Variants in PTPRD observed in about 807,000 individuals in gnomAD.
PTPRD encodes the protein receptor-type tyrosine-protein phosphatase delta.
In PTPRD, 34 loss-of-function variants were observed where a neutral mutation model predicts 214.5. The ratio of observed to expected loss-of-function variants is 0.16; its 90% CI spans 0.12 to 0.21. The LOEUF is 0.21. PTPRD is among the 10% of genes least tolerant of loss of function. The pLI is 1.00. For missense variants in PTPRD, 2,545 were observed against 2,398.7 expected (o/e 1.06, Z -1.27); for synonymous variants, 1,128 against 845.7 (o/e 1.33, Z -5.79).
chr9:9,380,674 T>C (rs1049768444), intron 9 of PTPRD, among the ~76,000 whole-genome samples: 1 of 152,142 alleles, frequency 6.6e-6, no homozygotes, highest in Non-Finnish European at 1.5e-5. Context: ...GGATGAAGTG[T>C]CTATAGATGC....
intron 5 of PTPRD, among the ~76,000 whole-genome samples, chr9:9,790,893 C>A (rs767017793): frequency 9.2e-5 from 14 of 152,010 alleles, no homozygotes; most frequent in Admixed American, 3.9e-4. Flanking sequence ...ATGTAAAAAC[C>A]CAAACTAGCC....
chr9:8,771,687 T>C (rs116975101), intron 11 of PTPRD, among the ~76,000 whole-genome samples: 4,707 of 152,240 alleles, frequency 0.031, 145 homozygotes, highest in African/African-American at 0.08. Context: ...AAAAGTCGAA[T>C]ACTTAAAGGA....
intron 7 of PTPRD, among the ~76,000 whole-genome samples, chr9:9,717,796 C>T (rs773059532): frequency 2.8e-4 from 42 of 151,928 alleles, no homozygotes; most frequent in South Asian, 2.1e-4. Flanking sequence ...TTTCTCAGAC[C>T]CTCCATTTAT....
At chr9:8,979,496 G>C (rs1167428151) in intron 11 of PTPRD, among the ~76,000 whole-genome samples, 3 of 151,768 alleles carry the variant, frequency 2.0e-5, no homozygotes, top group Non-Finnish European at 2.9e-5. Flanking sequence ...ATCTGATAAG[G>C]GACTACTATC....
intron 9 of PTPRD, among the ~76,000 whole-genome samples, chr9:9,193,262 C>A (rs946634012): frequency 1.1e-4 from 17 of 152,208 alleles, no homozygotes; most frequent in African/African-American, 3.6e-4. Context: ...TATTGCTTTA[C>A]TCAAGGTCAG....
intron 2 of PTPRD, among the ~76,000 whole-genome samples, chr9:10,555,339 G>A (rs1170388908): frequency 2.0e-5 from 3 of 152,090 alleles, no homozygotes; most frequent in Admixed American, 2.0e-4. Flanking sequence ...TTCGCAAAAC[G>A]TTTTATCATA....
At chr9:10,260,702 G>C (rs2093634479) in intron 3 of PTPRD, among the ~76,000 whole-genome samples, 1 of 151,930 alleles carries the variant, frequency 6.6e-6, no homozygotes, top group African/African-American at 2.4e-5. Flanking sequence ...CATTCCTCAA[G>C]TTTTTTTGAC....
intron 9 of PTPRD, among the ~76,000 whole-genome samples, chr9:9,325,022 G>C (rs1969143991): frequency 6.6e-6 from 1 of 152,110 alleles, no homozygotes; most frequent in Non-Finnish European, 1.5e-5. Context: ...TATTACTTCT[G>C]AGCCCTCTGT....
At chr9:9,743,880 G>C in intron 6 of PTPRD, among the ~76,000 whole-genome samples, 2 of 152,016 alleles carry the variant, frequency 1.3e-5, no homozygotes, top group South Asian at 4.2e-4. Context: ...AAAATATGCA[G>C]GCTAATTGAT....
At chr9:8,531,326 TA>T (rs1336169460) in intron 14 of PTPRD, among the ~76,000 whole-genome samples, 1 of 152,098 alleles carries the variant, frequency 6.6e-6, no homozygotes, top group Non-Finnish European at 1.5e-5. Flanking sequence ...TTTATGGCTT[TA>T]AAGGTTTTGC....
chr9:10,540,615 A>G (rs1052101871), intron 2 of PTPRD, among the ~76,000 whole-genome samples: 20 of 152,160 alleles, frequency 1.3e-4, no homozygotes, highest in Non-Finnish European at 2.4e-4. Flanking sequence ...TTTGTAACTT[A>G]TATTAATGTT....
At chr9:10,424,313 T>C (rs1203034490) in intron 2 of PTPRD, among the ~76,000 whole-genome samples, 8 of 145,484 alleles carry the variant, frequency 5.5e-5, no homozygotes, top group East Asian at 4.1e-4. Flanking sequence ...TGGTTTCCTT[T>C]TCTCTCTCTC....
intron 39 of PTPRD, among the ~76,000 whole-genome samples, chr9:8,346,891 T>G (rs574208472): frequency 1.6e-4 from 24 of 152,262 alleles, no homozygotes; most frequent in African/African-American, 5.5e-4. Context: ...AAGAAATTCA[T>G]GATTGTTCTG....
intron 9 of PTPRD, among the ~76,000 whole-genome samples, chr9:9,322,811 A>C (rs1032847685): frequency 1.4e-4 from 22 of 152,288 alleles, no homozygotes; most frequent in African/African-American, 4.8e-4. Flanking sequence ...AGGTACTACT[A>C]TACTGGCATG....
intron 3 of PTPRD, among the ~76,000 whole-genome samples, chr9:10,266,664 A>G (rs1167777356): frequency 6.6e-6 from 1 of 152,188 alleles, no homozygotes. Context: ...CTTAGCAAGG[A>G]CTACAATTTG....
chr9:9,281,927 T>G (rs1030978738), intron 9 of PTPRD, among the ~76,000 whole-genome samples: 4 of 151,202 alleles, frequency 2.6e-5, no homozygotes, highest in Non-Finnish European at 5.9e-5. Flanking sequence ...ACTAAAATAT[T>G]ATTCAACATG....
intron 5 of PTPRD, among the ~76,000 whole-genome samples, chr9:9,808,010 C>G (rs1369830871): frequency 6.6e-6 from 1 of 152,008 alleles, no homozygotes; most frequent in Non-Finnish European, 1.5e-5. Context: ...GTGAGCTGTC[C>G]CCTTTTGTTT....
At chr9:9,760,549 T>C (rs2098643378) in intron 6 of PTPRD, among the ~76,000 whole-genome samples, 2 of 151,590 alleles carry the variant, frequency 1.3e-5, no homozygotes, top group South Asian at 4.2e-4. Context: ...TGATTGTCTG[T>C]CTGGACTTTG....
chr9:9,317,077 TG>T (rs1352312457), intron 9 of PTPRD, among the ~76,000 whole-genome samples: 1 of 152,194 alleles, frequency 6.6e-6, no homozygotes, highest in Admixed American at 6.5e-5. Flanking sequence ...CTTGTTTCAA[TG>T]TTTATTTTCT....
Sources: gnomAD v4.1 joint callset for allele counts (sites outside exome capture counted in the v4.1 genomes callset) on GRCh38, gnomAD v4.1.1 for gene constraint, MANE v1.5 for transcripts, NCBI Gene and HGNC (gene_info 2026-07-23, HGNC 2026-07-21) for gene names.